ALK: variants seen among roughly 807,000 people sequenced by gnomAD.
The protein encoded by ALK is ALK receptor tyrosine kinase.
Under a neutral mutation model 163.1 loss-of-function variants are expected in ALK, and 74 were observed. The observed-to-expected ratio is 0.45, with a 90% CI of 0.38 to 0.55. ALK has a LOEUF of 0.55. ALK is among the 20% of genes least tolerant of loss of function. The probability of loss-of-function intolerance (pLI) is 0.00; values close to 1 mark genes in which losing one functional copy is unlikely to be tolerated. For synonymous variants in ALK, 960 were observed against 843.2 expected (o/e 1.14, Z -2.40); for missense variants, 2,063 against 2,105.3 (o/e 0.98, Z 0.39).
At chr2:29,510,053 T>C (rs1009895197) in intron 4 of ALK, among the ~76,000 whole-genome samples, 6 of 152,166 alleles carry the variant, frequency 3.9e-5, no homozygotes, top group Non-Finnish European at 1.5e-5. Flanking sequence ...TGGGCCAAGG[T>C]GGCCAGTGGA....
chr2:29,229,425 T>C (rs77358714), intron 15 of ALK, among the ~76,000 whole-genome samples: 1,752 of 152,326 alleles, frequency 0.012, 17 homozygotes, highest in Non-Finnish European at 0.017. Context: ...CTTCTCTTCA[T>C]GTCAGCCAAG....
intron 1 of ALK, among the ~76,000 whole-genome samples, chr2:29,764,909 T>C (rs1303495068): frequency 6.6e-6 from 1 of 152,078 alleles, no homozygotes; most frequent in Non-Finnish European, 1.5e-5. Context: ...TTGGAGGTGA[T>C]TGGATCAAGG....
intron 5 of ALK, among the ~76,000 whole-genome samples, chr2:29,365,273 G>A (rs1238850398): frequency 6.6e-6 from 1 of 152,218 alleles, no homozygotes; most frequent in Admixed American, 6.5e-5. Flanking sequence ...GCCAGTTAGT[G>A]CCAAATGTGC....
chr2:29,206,489 C>A (rs1317904655), intron 26 of ALK, among the ~76,000 whole-genome samples: 1 of 152,154 alleles, frequency 6.6e-6, no homozygotes. Flanking sequence ...CCAGGCTGGT[C>A]TTGAACTCCT....
chr2:29,320,012 C>G (rs1269767829), intron 7 of ALK, among the ~76,000 whole-genome samples: 3 of 152,244 alleles, frequency 2.0e-5, no homozygotes, highest in Non-Finnish European at 4.4e-5. Flanking sequence ...CCACTAGGGA[C>G]AGCCCCCAAG....
intron 1 of ALK, among the ~76,000 whole-genome samples, chr2:29,795,772 A>C (rs951851724): frequency 6.6e-6 from 1 of 152,222 alleles, no homozygotes; most frequent in African/African-American, 2.4e-5. Context: ...CTAAATTGTT[A>C]ACAGTAGTTA....
intron 4 of ALK, among the ~76,000 whole-genome samples, chr2:29,492,234 G>C (rs1671919466): frequency 6.6e-6 from 1 of 152,104 alleles, no homozygotes; most frequent in Non-Finnish European, 1.5e-5. Flanking sequence ...TTCTGAATCA[G>C]AGATTCATTT....
chr2:29,215,946 T>C (rs1669592151), intron 23 of ALK, among the ~76,000 whole-genome samples: 5 of 152,096 alleles, frequency 3.3e-5, no homozygotes, highest in Admixed American at 3.3e-4. Flanking sequence ...CCTCGGGCAG[T>C]GCCTCATCAG....
At chr2:29,713,693 G>A (rs562969855) in intron 2 of ALK, among the ~76,000 whole-genome samples, 8 of 152,000 alleles carry the variant, frequency 5.3e-5, no homozygotes, top group South Asian at 4.2e-4. Context: ...CACCTACTCC[G>A]TAAAATGAAA....
intron 3 of ALK, among the ~76,000 whole-genome samples, chr2:29,589,681 G>T (rs914261479): frequency 2.6e-5 from 4 of 152,174 alleles, no homozygotes; most frequent in African/African-American, 9.7e-5. Flanking sequence ...CACTGCTATT[G>T]TATAGAGTTG....
rs375204825 is a variant in ALK, at chr2:29,801,220, G to A, written c.668-83523C>T. ...GAAATGTCTTCCACCAAGAGTAGGC[G>A]AAGAAAACAAGAAACATGGAAAACA... On this transcript the variant is annotated intron_variant, in intron 1 of 28. Transcript: ENST00000389048. Among the ~76,000 whole-genome samples, 28 of 152,128 alleles carry A rather than the reference G, an allele frequency of 1.8e-4. No individual in the cohort carries two copies. The South Asian group carries it at 3.5e-3, about 19-fold the overall frequency.
At chr2:29,640,677 A>G (rs1358255316) in intron 3 of ALK, among the ~76,000 whole-genome samples, 1 of 152,188 alleles carries the variant, frequency 6.6e-6, no homozygotes, top group African/African-American at 2.4e-5. Flanking sequence ...CTAATATACC[A>G]GGTATGTGTT....
chr2:29,402,231 G>A (rs962557415), intron 4 of ALK, among the ~76,000 whole-genome samples: 1 of 152,242 alleles, frequency 6.6e-6, no homozygotes, highest in South Asian at 2.1e-4. Flanking sequence ...TTGTGTGGGG[G>A]GCCAGGGGCT....
At chr2:29,297,680 G>A (rs756170099) in intron 8 of ALK, among the ~76,000 whole-genome samples, 3 of 152,192 alleles carry the variant, frequency 2.0e-5, no homozygotes, top group Non-Finnish European at 2.9e-5. Flanking sequence ...TGCCCACTTC[G>A]CCAAAAGGAA....
intron 26 of ALK, among the ~76,000 whole-genome samples, chr2:29,205,740 C>T (rs1003244094): frequency 2.0e-5 from 3 of 152,114 alleles, no homozygotes; most frequent in African/African-American, 7.2e-5. Flanking sequence ...ATTTAGGGCC[C>T]ACCTAGATGA....
At chr2:29,861,363 G>A (rs770215043) in intron 1 of ALK, among the ~76,000 whole-genome samples, 3 of 151,752 alleles carry the variant, frequency 2.0e-5, no homozygotes, top group Non-Finnish European at 4.4e-5. Context: ...ACTAAGAGTT[G>A]GTATTTTAAA....
At chr2:29,373,179 T>C (rs1056315337) in intron 5 of ALK, among the ~76,000 whole-genome samples, 6 of 152,288 alleles carry the variant, frequency 3.9e-5, no homozygotes, top group South Asian at 4.1e-4. Flanking sequence ...AGAGTGGCAA[T>C]TGCACATTGA....
At position 29,657,307 on chromosome 2, in the gene ALK, T is replaced by G. The variant is rs142488314; in HGVS notation, c.952+37543A>C. 7.2e-3 allele frequency among the ~76,000 whole-genome samples: 1,091 copies of G among 152,278 alleles called. 12 individuals carry two copies. The highest frequency in any genetic ancestry group is 0.047 in the South Asian group (225 of 4,828). ...TGACTCAGAGTCAGAAGTCCTGATCTTAATACCATTTGTGTCTTTCAGTAG... is the reference window on the plus strand; with the variant it reads ...TGACTCAGAGTCAGAAGTCCTGATCGTAATACCATTTGTGTCTTTCAGTAG... On this transcript the variant is annotated intron_variant, in intron 3 of 28. Coordinates refer to ENST00000389048, the MANE Select transcript of ALK (RefSeq NM_004304.5).
chr2:29,599,022 G>A (rs890379210), intron 3 of ALK, among the ~76,000 whole-genome samples: 36 of 151,918 alleles, frequency 2.4e-4, no homozygotes, highest in Non-Finnish European at 1.0e-4. Context: ...TTAAAATAAC[G>A]ATGTCCAGGC....
Sources: gnomAD v4.1 joint callset for allele counts (sites outside exome capture counted in the v4.1 genomes callset) on GRCh38, gnomAD v4.1.1 for gene constraint, MANE v1.5 for transcripts, NCBI Gene and HGNC (gene_info 2026-07-23, HGNC 2026-07-21) for gene names.